The following GALNT17 variants were observed in gnomAD, a reference collection of about 807,000 sequenced individuals.
The protein encoded by GALNT17 is UDP-GalNAc:polypeptide N-acetylgalactosaminyltransferase-like 3.
Under a neutral mutation model 63.7 loss-of-function variants are expected in GALNT17, and 29 were observed. That is an observed-to-expected ratio of 0.46 (90% confidence interval 0.34 to 0.62). GALNT17 has a LOEUF of 0.62. GALNT17 is among the 20% of genes least tolerant of loss of function. GALNT17 has a pLI of 0.01. For synonymous variants in GALNT17, 305 were observed against 318.3 expected (o/e 0.96, Z 0.45); for missense variants, 603 against 799.6 (o/e 0.75, Z 2.97).
chr7:71,544,124 C>CTTTTTTTT (rs60144462), intron 5 of GALNT17, among the ~76,000 whole-genome samples: 75 of 132,410 alleles, frequency 5.7e-4, no homozygotes, highest in African/African-American at 1.6e-3. Flanking sequence ...TTTCTTTTTT[C>CTTTTTTTT]TTTTTTTTTT....
chr7:71,672,311 A>G lies in GALNT17; in HGVS notation c.1404+2202A>G, dbSNP rs941674893. 2.6e-5 allele frequency among the ~76,000 whole-genome samples: 4 copies of G among 152,212 alleles called. No homozygotes were observed. In the East Asian group the frequency reaches 5.8e-4, roughly 22 times the overall value. Reference sequence around the variant, plus strand: ...GATTTCAGATGAACTGTAGCATTACATGAAAGAAATAATAAAAGAACCATG... The same window carrying G: ...GATTTCAGATGAACTGTAGCATTACGTGAAAGAAATAATAAAAGAACCATG... On this transcript the variant is annotated intron_variant, in intron 8 of 10. Transcript: ENST00000333538.
chr7:71,306,316 T>C (rs1343832414), intron 1 of GALNT17, among the ~76,000 whole-genome samples: 2 of 152,286 alleles, frequency 1.3e-5, no homozygotes, highest in African/African-American at 2.4e-5. Context: ...TAGCGTTAAG[T>C]ATATACACAT....
intron 2 of GALNT17, among the ~76,000 whole-genome samples, chr7:71,356,866 C>A (rs1411425977): frequency 1.3e-5 from 2 of 152,168 alleles, no homozygotes; most frequent in African/African-American, 4.8e-5. Context: ...ACTGCAACCA[C>A]CGCCTTCTGG....
At chr7:71,300,493 A>G (rs965727212) in intron 1 of GALNT17, 3 of 444,112 alleles carry the variant, frequency 6.8e-6, no homozygotes, top group African/African-American at 4.0e-5. Context: ...GGACAGGATA[A>G]CAAATGGAGG....
chr7:71,246,671 A>T (rs1433068172), intron 1 of GALNT17, among the ~76,000 whole-genome samples: 5 of 151,748 alleles, frequency 3.3e-5, no homozygotes, highest in Admixed American at 1.3e-4. Context: ...TCTACTAAAA[A>T]TACAAAAAAT....
intron 2 of GALNT17, among the ~76,000 whole-genome samples, chr7:71,361,878 A>T (rs553526735): frequency 3.5e-4 from 54 of 152,234 alleles, no homozygotes; most frequent in Non-Finnish European, 6.6e-4. Context: ...TGTTTATGTG[A>T]TTGAACTACG....
chr7:71,531,975 T>G (rs961214907), intron 5 of GALNT17, among the ~76,000 whole-genome samples: 1 of 152,094 alleles, frequency 6.6e-6, no homozygotes, highest in Non-Finnish European at 1.5e-5. Flanking sequence ...CAGAAGGAAG[T>G]TGAACACGGG....
chr7:71,519,558 G>A (rs1280234841), intron 5 of GALNT17, among the ~76,000 whole-genome samples: 3 of 152,144 alleles, frequency 2.0e-5, no homozygotes, highest in Admixed American at 6.6e-5. Context: ...CCACCTCCCA[G>A]GTTCAAGTGA....
chr7:71,494,575 T>G (rs1788062424), intron 5 of GALNT17, among the ~76,000 whole-genome samples: 1 of 152,108 alleles, frequency 6.6e-6, no homozygotes, highest in Non-Finnish European at 1.5e-5. Flanking sequence ...CCCAGTCTGG[T>G]CTTGAATTCC....
At chr7:71,204,651 C>T (rs1329071192) in intron 1 of GALNT17, among the ~76,000 whole-genome samples, 15 of 151,594 alleles carry the variant, frequency 9.9e-5, no homozygotes, top group Admixed American at 7.2e-4. Context: ...CTGCAACCTC[C>T]GCCTCCTGGG....
At chr7:71,664,015 A>AT (rs71302806) in intron 6 of GALNT17, among the ~76,000 whole-genome samples, 48 of 137,358 alleles carry the variant, frequency 3.5e-4, no homozygotes, top group African/African-American at 6.3e-4. Context: ...CCATAAATTA[A>AT]TTTTTTTTTT....
chr7:71,162,123 CCCTTCCTTCCTTCCTTCCTT>C (rs527578764), intron 1 of GALNT17, among the ~76,000 whole-genome samples: 22 of 53,796 alleles, frequency 4.1e-4, no homozygotes, highest in Admixed American at 2.9e-3. Context: ...CTCCCTCCCT[CCCTTCCTTCCTTCCTTCCTT>C]CCTTCCTTCC....
intron 6 of GALNT17, among the ~76,000 whole-genome samples, chr7:71,613,224 T>C (rs1790150738): frequency 6.6e-6 from 1 of 152,236 alleles, no homozygotes; most frequent in South Asian, 2.1e-4. Context: ...CTAATGATGG[T>C]ACATTCGTAT....
chr7:71,310,250 A>G (rs1791392922), intron 1 of GALNT17, among the ~76,000 whole-genome samples: 1 of 152,242 alleles, frequency 6.6e-6, no homozygotes. Flanking sequence ...TGTCTCCAGG[A>G]TGAAATGAAT....
At chr7:71,371,409 C>T (rs892006005) in intron 2 of GALNT17, among the ~76,000 whole-genome samples, 2 of 151,804 alleles carry the variant, frequency 1.3e-5, no homozygotes, top group African/African-American at 2.4e-5. Context: ...TCATGAAGTT[C>T]TACCTGTTTT....
intron 6 of GALNT17, among the ~76,000 whole-genome samples, chr7:71,580,148 T>C (rs1460458558): frequency 1.3e-5 from 2 of 152,026 alleles, no homozygotes; most frequent in African/African-American, 4.8e-5. Context: ...GATAGATGGA[T>C]AGATGATATA....
intron 6 of GALNT17, among the ~76,000 whole-genome samples, chr7:71,598,864 G>T (rs1038002773): frequency 2.0e-5 from 3 of 151,948 alleles, no homozygotes; most frequent in African/African-American, 7.3e-5. Context: ...AGAAAGAACG[G>T]GGGGGATTGC....
At chr7:71,492,873 G>T (rs951555435) in intron 5 of GALNT17, among the ~76,000 whole-genome samples, 3 of 152,162 alleles carry the variant, frequency 2.0e-5, no homozygotes, top group African/African-American at 4.8e-5. Flanking sequence ...GGATTATGAT[G>T]GACCAGAGAA....
At chr7:71,453,618 A>G (rs1781139031) in intron 5 of GALNT17, among the ~76,000 whole-genome samples, 1 of 152,156 alleles carries the variant, frequency 6.6e-6, no homozygotes, top group South Asian at 2.1e-4. Context: ...ACAATTCAAG[A>G]TGAGATTTGG....
Sources: allele counts gnomAD v4.1 joint callset (sites outside exome capture counted in the v4.1 genomes callset), GRCh38; gene constraint gnomAD v4.1.1; transcripts MANE v1.5; gene names NCBI Gene and HGNC (gene_info 2026-07-23, HGNC 2026-07-21).